The following GRIK1 variants were observed in gnomAD, a reference collection of about 807,000 sequenced individuals.
GRIK1 encodes the protein glutamate ionotropic receptor kainate type subunit 1.
In GRIK1, 69 loss-of-function variants were observed where a neutral mutation model predicts 105.7. The ratio of observed to expected loss-of-function variants is 0.65; its 90% CI spans 0.54 to 0.80. GRIK1 has a LOEUF of 0.80. Ranked by LOEUF, GRIK1 falls within the 30% of genes least tolerant of loss-of-function variation. The probability of loss-of-function intolerance (pLI) is 0.00; values close to 1 mark genes in which losing one functional copy is unlikely to be tolerated. For synonymous variants in GRIK1, 438 were observed against 431.3 expected (o/e 1.02, Z -0.19); for missense variants, 1,109 against 1,167.3 (o/e 0.95, Z 0.73).
At chr21:29,843,180 T>C (rs1210155064) in intron 1 of GRIK1, among the ~76,000 whole-genome samples, 1 of 152,110 alleles carries the variant, frequency 6.6e-6, no homozygotes, top group African/African-American at 2.4e-5. Flanking sequence ...AAAAACTTGT[T>C]GGATTGGTGA....
rs904093667 is a variant in GRIK1, at chr21:29,939,581, G to T, written c.-81C>A. On this transcript the variant is annotated 5_prime_UTR_variant, in exon 1 of 18. Coordinates refer to ENST00000327783, the MANE Select transcript of GRIK1 (RefSeq NM_001330994.2). ...TGCACCCAACTTGGGCCGGGTCCCCGCCTCATCCTCTCTGGATGCTCCGGT... is the reference window on the plus strand; with the variant it reads ...TGCACCCAACTTGGGCCGGGTCCCCTCCTCATCCTCTCTGGATGCTCCGGT... 40 of 823,324 alleles carry T rather than the reference G, an allele frequency of 4.9e-5. No individual in the cohort carries two copies. The highest frequency in any genetic ancestry group is 6.9e-5 in the Non-Finnish European group (36 of 524,256). 51.0% of individuals were successfully genotyped at this position (823,324 alleles called of 1,614,324 possible).
At chr21:29,625,921 T>C (rs1003970028) in intron 7 of GRIK1, among the ~76,000 whole-genome samples, 4 of 152,162 alleles carry the variant, frequency 2.6e-5, no homozygotes, top group Non-Finnish European at 5.9e-5. Context: ...GGCAAAGTTG[T>C]GTCCCCCCAA....
chr21:29,569,065 C>T (rs943767795), intron 14 of GRIK1, among the ~76,000 whole-genome samples: 1 of 152,192 alleles, frequency 6.6e-6, no homozygotes, highest in South Asian at 2.1e-4. Context: ...CTGGCCAGGC[C>T]TCCAAAAATC....
intron 6 of GRIK1, 24 bp from the exon 7 acceptor site, chr21:29,642,993 A>T (rs372982120): frequency 6.2e-7 from 1 of 1,607,200 alleles, no homozygotes; most frequent in Admixed American, 1.7e-5. Context: ...CACACACCGC[A>T]TCTTAAATTC....
chr21:29,847,961 A>G (rs2146032765), intron 1 of GRIK1, among the ~76,000 whole-genome samples: 1 of 152,222 alleles, frequency 6.6e-6, no homozygotes, highest in East Asian at 1.9e-4. Context: ...GTATGTGTAT[A>G]CACATAAAAT....
intron 10 of GRIK1, among the ~76,000 whole-genome samples, chr21:29,590,033 T>C (rs760235640): frequency 6.6e-6 from 1 of 152,206 alleles, no homozygotes; most frequent in Non-Finnish European, 1.5e-5. Context: ...TAATGGACAC[T>C]TCCCTACTAC....
intron 1 of GRIK1, among the ~76,000 whole-genome samples, chr21:29,840,697 A>G (rs557500616): frequency 1.3e-5 from 2 of 152,220 alleles, no homozygotes; most frequent in South Asian, 4.2e-4. Context: ...GGCTCATAAT[A>G]TTTTTTTACA....
At chr21:29,612,806 T>C (rs2061758909) in intron 7 of GRIK1, among the ~76,000 whole-genome samples, 1 of 152,230 alleles carries the variant, frequency 6.6e-6, no homozygotes, top group Admixed American at 6.5e-5. Flanking sequence ...GCTAATAGGC[T>C]ATGCATTGAT....
intron 1 of GRIK1, among the ~76,000 whole-genome samples, chr21:29,799,591 A>T (rs2066649206): frequency 6.6e-6 from 1 of 152,180 alleles, no homozygotes; most frequent in Non-Finnish European, 1.5e-5. Context: ...GTGCAGTGGC[A>T]CAATCTTGCC....
At chr21:29,813,392 A>G (rs1236087653) in intron 1 of GRIK1, among the ~76,000 whole-genome samples, 1 of 152,084 alleles carries the variant, frequency 6.6e-6, no homozygotes, top group Non-Finnish European at 1.5e-5. Context: ...ATTACCACCT[A>G]ATTAGATGAG....
chr21:29,734,391 CT>C (rs1296787836), intron 1 of GRIK1, among the ~76,000 whole-genome samples: 3 of 107,204 alleles, frequency 2.8e-5, no homozygotes, highest in African/African-American at 1.0e-4. Context: ...CTTTTCTTTT[CT>C]TTTCTTTTCT....
rs545949158 is a variant in GRIK1, at chr21:29,884,990, C to A, written c.118+54393G>T. 5.0e-3 allele frequency among the ~76,000 whole-genome samples: 768 copies of A among 152,098 alleles called. 3 individuals are homozygous for A. The highest frequency in any genetic ancestry group is 0.014 in the Middle Eastern group (4 of 294). ...GATTCTAATCCCAAATGAAACATTT[C>A]AATATTATTTTCATTATTGGAAAAA... is the stretch of plus-strand genomic sequence containing the variant. On this transcript the variant is annotated intron_variant, in intron 1 of 17. Transcript: ENST00000327783.
At chr21:29,782,167 A>T (rs1237150065) in intron 1 of GRIK1, among the ~76,000 whole-genome samples, 4 of 149,492 alleles carry the variant, frequency 2.7e-5, no homozygotes, top group African/African-American at 4.9e-5. Context: ...GCTCACTGCA[A>T]GCTCTGCCTC....
At chr21:29,714,196 T>C (rs889311976) in intron 1 of GRIK1, among the ~76,000 whole-genome samples, 1 of 152,168 alleles carries the variant, frequency 6.6e-6, no homozygotes, top group Non-Finnish European at 1.5e-5. Flanking sequence ...GGTTTTTTTT[T>C]CAGACAAGTG....
At chr21:29,570,501 CA>C (rs34538814) in intron 14 of GRIK1, among the ~76,000 whole-genome samples, 9,768 of 126,106 alleles carry the variant, frequency 0.077, 344 homozygotes, top group Middle Eastern at 0.16. Flanking sequence ...GACTCCATCT[CA>C]AAAAAAAAAA....
intron 1 of GRIK1, among the ~76,000 whole-genome samples, chr21:29,848,780 T>TATATATATATATA (rs1255846155): frequency 7.0e-5 from 2 of 28,430 alleles, no homozygotes; most frequent in South Asian, 1.6e-3. Context: ...TATATATATA[T>TATATATATATATA]TTTTTTTTTT....
intron 1 of GRIK1, among the ~76,000 whole-genome samples, chr21:29,817,142 C>T (rs1271946018): frequency 1.3e-5 from 2 of 152,014 alleles, no homozygotes; most frequent in Admixed American, 6.6e-5. Flanking sequence ...AATGGGGACA[C>T]ATTGGAAGGG....
intron 16 of GRIK1, among the ~76,000 whole-genome samples, chr21:29,550,658 GA>G (rs2090119294): frequency 6.6e-6 from 1 of 152,112 alleles, no homozygotes; most frequent in Non-Finnish European, 1.5e-5. Context: ...GCTTGTACAA[GA>G]AAAACTGCTC....
intron 14 of GRIK1, among the ~76,000 whole-genome samples, chr21:29,570,828 C>T (rs1375013775): frequency 2.2e-5 from 3 of 134,022 alleles, no homozygotes; most frequent in Non-Finnish European, 4.7e-5. Context: ...GCTGAGTGAT[C>T]GAAACTTAGA....
Sources: allele counts gnomAD v4.1 joint callset (sites outside exome capture counted in the v4.1 genomes callset), GRCh38; gene constraint gnomAD v4.1.1; transcripts MANE v1.5; gene names NCBI Gene and HGNC (gene_info 2026-07-23, HGNC 2026-07-21).